Variants in OPN5 observed in about 807,000 individuals in gnomAD.
The protein encoded by OPN5 is opsin 5.
In OPN5, 18 loss-of-function variants were observed where a neutral mutation model predicts 41.7. That is an observed-to-expected ratio of 0.43 (90% confidence interval 0.30 to 0.64). The LOEUF (loss-of-function observed/expected upper bound fraction) is 0.64, where lower values mean the gene tolerates loss of function less well. OPN5 is among the 30% of genes least tolerant of loss of function. OPN5 has a pLI of 0.13. For missense variants in OPN5, 318 were observed against 434.5 expected, an observed-to-expected ratio of 0.73 and a Z score of 2.38; for synonymous variants, 178 against 164.3, an observed-to-expected ratio of 1.08 and a Z score of -0.64.
intron 4 of OPN5, among the ~76,000 whole-genome samples, chr6:47,806,878 C>A (rs1237200283): frequency 6.6e-6 from 1 of 152,170 alleles, no homozygotes; most frequent in African/African-American, 2.4e-5. Flanking sequence ...CCTCAGTAGG[C>A]CAGGCGCGAT....
At chr6:47,797,959 A>T (rs937579220) in intron 4 of OPN5, among the ~76,000 whole-genome samples, 1 of 152,134 alleles carries the variant, frequency 6.6e-6, no homozygotes, top group Non-Finnish European at 1.5e-5. Context: ...TATACATATG[A>T]GGTACAGCTC....
At chr6:47,788,516 A>G (rs1466489880) in intron 2 of OPN5, among the ~76,000 whole-genome samples, 1 of 152,218 alleles carries the variant, frequency 6.6e-6, no homozygotes, top group African/African-American at 2.4e-5. Context: ...AATTCACCAG[A>G]AACCACTTTC....
chr6:47,809,264 A>G (rs1433539280), intron 5 of OPN5, among the ~76,000 whole-genome samples: 1 of 152,018 alleles, frequency 6.6e-6, no homozygotes, highest in African/African-American at 2.4e-5. Context: ...TTTTGTTCTT[A>G]TTTACTTGAT....
chr6:47,808,127 C>A (rs768565281), intron 4 of OPN5, 27 bp from the exon 5 acceptor site: 18 of 1,612,942 alleles, frequency 1.1e-5, no homozygotes, highest in Middle Eastern at 1.7e-4. Flanking sequence ...CATCTTGATT[C>A]TTTTCTCTGT....
At position 47,795,778 on chromosome 6, in the gene OPN5, T is replaced by TCACACACACA. The variant is rs57933636; in HGVS notation, c.756+240_756+249dup. On this transcript the variant is annotated intron_variant, in intron 4 of 6. Coordinates refer to ENST00000371211, the Ensembl canonical transcript of OPN5. ...CTTCTCTCTTCTCTCTCTCTCTCTC[T>TCACACACACA]CACACACACACACACACACACACAC... is the stretch of plus-strand genomic sequence containing the variant. 3.5e-4 allele frequency among the ~76,000 whole-genome samples: 50 copies of TCACACACACA among 142,888 alleles called. 1 individual carries two copies. Among genetic ancestry groups the TCACACACACA allele is most frequent in the African/African-American group, 1.3e-3 (49 of 36,806 alleles). 93.7% of individuals were successfully genotyped at this position (142,888 alleles called of 152,430 possible).
At chr6:47,792,013 G>C in intron 3 of OPN5, 41 bp downstream of exon 3, 1 of 1,452,550 alleles carries the variant, frequency 6.9e-7, no homozygotes, top group Non-Finnish European at 9.6e-7. Flanking sequence ...GTTAAAGCTA[G>C]GTGGATTGAG....
At chr6:47,809,957 C>T (rs748575306) in intron 5 of OPN5, among the ~76,000 whole-genome samples, 2 of 152,168 alleles carry the variant, frequency 1.3e-5, no homozygotes, top group Non-Finnish European at 2.9e-5. Context: ...CGTAATTTTG[C>T]CTCAGACTGC....
intron 2 of OPN5, among the ~76,000 whole-genome samples, chr6:47,787,733 C>G (rs9473177): frequency 0.27 from 41,416 of 151,910 alleles, 5,945 homozygotes; most frequent in African/African-American, 0.34. Context: ...GGGACTTCAT[C>G]TCTACAAAAC....
chr6:47,788,598 T>C (rs1320856610), intron 2 of OPN5, among the ~76,000 whole-genome samples: 1 of 152,180 alleles, frequency 6.6e-6, no homozygotes, highest in East Asian at 1.9e-4. Flanking sequence ...CATTTTCCCT[T>C]CCAATAAACG....
intron 6 of OPN5, among the ~76,000 whole-genome samples, chr6:47,821,045 T>C (rs191534667): frequency 1.9e-4 from 29 of 152,296 alleles, no homozygotes; most frequent in Admixed American, 1.4e-3. Context: ...TGGAAGTGGA[T>C]CATCATAAAG....
chr6:47,794,102 C>T (rs1773469706), intron 3 of OPN5, among the ~76,000 whole-genome samples: 1 of 152,138 alleles, frequency 6.6e-6, no homozygotes, highest in African/African-American at 2.4e-5. Context: ...TTCTAGTTTG[C>T]AAAGCAGGCC....
intron 1 of OPN5, among the ~76,000 whole-genome samples, chr6:47,783,235 T>C (rs1773124873): frequency 6.6e-6 from 1 of 152,168 alleles, no homozygotes; most frequent in Admixed American, 6.5e-5. Flanking sequence ...CATACTTTTC[T>C]TAAATTTAAA....
exon 1 of OPN5, chr6:47,782,046 C>A (rs1463596868): frequency 2.5e-6 from 4 of 1,607,898 alleles, no homozygotes; most frequent in African/African-American, 1.3e-5. Context: ...CTTTTCAGAT[C>A]CCTCGTGGTT....
At chr6:47,805,157 C>A (rs1326666186) in intron 4 of OPN5, among the ~76,000 whole-genome samples, 1 of 152,160 alleles carries the variant, frequency 6.6e-6, no homozygotes. Context: ...GGCATCCATT[C>A]CATTTACAAG....
At chr6:47,811,172 G>A (rs113058428) in intron 5 of OPN5, among the ~76,000 whole-genome samples, 28 of 152,244 alleles carry the variant, frequency 1.8e-4, no homozygotes, top group African/African-American at 6.7e-4. Flanking sequence ...ATGTTCAAAA[G>A]GCACTGGGGG....
rs1451392870 is a variant in OPN5 at position 47,819,342 on chromosome 6, T to TATATATATAAA, written c.1057-4632_1057-4631insAAATATATATA. On this transcript the variant is annotated intron_variant, in intron 6 of 6. Coordinates refer to ENST00000371211, the Ensembl canonical transcript of OPN5. ...AGTAATTCTGAAAATTAGGAATATATATATATATATAAAAAATATATTACC... is the reference window on the plus strand; with the variant it reads ...AGTAATTCTGAAAATTAGGAATATATATATATATAAAATATATATATAAAAAATATATTACC... Among the ~76,000 whole-genome samples, 634 of 94,866 alleles carry TATATATATAAA rather than the reference T, an allele frequency of 6.7e-3. 72 individuals are homozygous for TATATATATAAA. Among genetic ancestry groups the TATATATATAAA allele is most frequent in the South Asian group, 0.028 (74 of 2,628 alleles). 62.2% of individuals were successfully genotyped at this position (94,866 alleles called of 152,430 possible).
chr6:47,811,073 T>C (rs1456452821), intron 5 of OPN5, among the ~76,000 whole-genome samples: 1 of 152,168 alleles, frequency 6.6e-6, no homozygotes, highest in Non-Finnish European at 1.5e-5. Flanking sequence ...TCATAGGCCT[T>C]TGCCTACACA....
exon 7 of OPN5, chr6:47,824,064 A>G (rs1762719659): frequency 7.9e-7 from 1 of 1,258,246 alleles, no homozygotes; most frequent in East Asian, 2.5e-5. Flanking sequence ...AAATTAGCTT[A>G]CAAATGTTAT....
intron 4 of OPN5, among the ~76,000 whole-genome samples, chr6:47,799,310 T>C (rs1773683111): frequency 6.6e-6 from 1 of 152,126 alleles, no homozygotes. Context: ...TTTCTATGCT[T>C]GCATTTGACC....
Sources: allele counts gnomAD v4.1 joint callset (sites outside exome capture counted in the v4.1 genomes callset), GRCh38; gene constraint gnomAD v4.1.1; transcripts MANE v1.5; gene names NCBI Gene and HGNC (gene_info 2026-07-23, HGNC 2026-07-21).